Variants in ATRNL1 observed in about 807,000 individuals in gnomAD.
The protein encoded by ATRNL1 is attractin like 1.
ATRNL1 carries 95 observed loss-of-function variants against 182.7 expected under a neutral mutation model. The observed-to-expected ratio is 0.52, with a 90% CI of 0.44 to 0.62. ATRNL1 has a LOEUF of 0.62. Among genes scored for constraint, ATRNL1 ranks in the 20% least tolerant of loss-of-function variants. The probability of loss-of-function intolerance (pLI) is 0.00; values close to 1 mark genes in which losing one functional copy is unlikely to be tolerated. For synonymous variants in ATRNL1, 576 were observed against 568.3 expected, an observed-to-expected ratio of 1.01 and a Z score of -0.19; for missense variants, 1,471 against 1,679.5, an observed-to-expected ratio of 0.88 and a Z score of 2.17.
At chr10:115,461,317 C>CA (rs1338448767) in intron 21 of ATRNL1, among the ~76,000 whole-genome samples, 3 of 152,062 alleles carry the variant, frequency 2.0e-5, no homozygotes, top group African/African-American at 7.2e-5. Flanking sequence ...TTGGTTCCAG[C>CA]ATTATGTATG....
chr10:115,718,405 A>C (rs1224097383), intron 26 of ATRNL1, among the ~76,000 whole-genome samples: 2 of 152,206 alleles, frequency 1.3e-5, no homozygotes, highest in Non-Finnish European at 2.9e-5. Context: ...ATGATTCTTA[A>C]GTGCCCAGAG....
intron 25 of ATRNL1, among the ~76,000 whole-genome samples, chr10:115,529,333 CTT>C (rs1166618440): frequency 4.0e-5 from 6 of 151,570 alleles, no homozygotes; most frequent in Admixed American, 3.9e-4. Flanking sequence ...TTTTGCATAT[CTT>C]TTAAAATTTT....
intron 28 of ATRNL1, among the ~76,000 whole-genome samples, chr10:115,906,812 C>G (rs1555114655): frequency 6.6e-6 from 1 of 151,942 alleles, no homozygotes; most frequent in Non-Finnish European, 1.5e-5. Flanking sequence ...AAATTTTGAA[C>G]AAATACTTTT....
intron 13 of ATRNL1, among the ~76,000 whole-genome samples, chr10:115,272,775 C>G (rs1207519308): frequency 6.6e-6 from 1 of 152,152 alleles, no homozygotes; most frequent in East Asian, 1.9e-4. Context: ...AAAGCCCATT[C>G]CACTGTTTTA....
intron 26 of ATRNL1, among the ~76,000 whole-genome samples, chr10:115,639,735 T>A (rs1555029547): frequency 6.6e-6 from 1 of 151,940 alleles, no homozygotes; most frequent in East Asian, 1.9e-4. Flanking sequence ...TCCTAAAGTA[T>A]GTTAAAGTAG....
At chr10:115,278,294 A>G (rs1429693572) in intron 13 of ATRNL1, among the ~76,000 whole-genome samples, 1 of 152,258 alleles carries the variant, frequency 6.6e-6, no homozygotes, top group Non-Finnish European at 1.5e-5. Context: ...TCCAAGAACA[A>G]TAGTTTAACT....
chr10:115,713,705 CATCT>C (rs1555055341), intron 26 of ATRNL1, among the ~76,000 whole-genome samples: 144 of 101,278 alleles, frequency 1.4e-3, no homozygotes, highest in African/African-American at 3.6e-3. Flanking sequence ...ATCTATCTAT[CATCT>C]ATCTATCTAT....
intron 26 of ATRNL1, among the ~76,000 whole-genome samples, chr10:115,679,648 A>G (rs1945984453): frequency 1.3e-5 from 2 of 152,100 alleles, no homozygotes; most frequent in Admixed American, 6.6e-5. Flanking sequence ...CTGAGACATC[A>G]TAGTGAGCTC....
At chr10:115,408,105 G>A (rs372595341) in intron 20 of ATRNL1, among the ~76,000 whole-genome samples, 5 of 144,336 alleles carry the variant, frequency 3.5e-5, no homozygotes, top group East Asian at 2.2e-4. Context: ...CCGGGTTCAC[G>A]CCATTCTCCT....
intron 25 of ATRNL1, among the ~76,000 whole-genome samples, chr10:115,541,937 A>C (rs1852382414): frequency 6.6e-6 from 1 of 152,166 alleles, no homozygotes; most frequent in Non-Finnish European, 1.5e-5. Context: ...TGTGTTATAC[A>C]TTAATGATTT....
rs1428607577 is a variant in ATRNL1, at chr10:115,469,314, G to T, written c.3639G>T (p.Trp1213Cys). The T allele has an allele frequency of 2.0e-6, 3 of 1,525,316 alleles. No individual in the cohort carries two copies. Among genetic ancestry groups the T allele is most frequent in the Non-Finnish European group, 2.6e-6 (3 of 1,141,258 alleles). 94.5% of individuals were successfully genotyped at this position (1,525,316 alleles called of 1,614,324 possible). Reference protein sequence around the residue: ...TFYVYVSNFSWPIKIQIAFSQ... With the variant: ...TFYVYVSNFSCPIKIQIAFSQ... ...ATGTGTACGTCAGCAACTTTTCCTGGCCTATTAAAATACAGGTAAGTGTTA... is the reference window on the plus strand; with the variant it reads ...ATGTGTACGTCAGCAACTTTTCCTGTCCTATTAAAATACAGGTAAGTGTTA... Residue 1213 changes from tryptophan (W) to cysteine (C), a missense_variant, in exon 24 of 29, where the codon TGG becomes TGT. Trp to Cys is a radical substitution (Grantham distance 215). This residue lies in a region of ATRNL1 where 437 missense variants were observed against 506.0 expected (regional missense o/e 0.86). Transcript: ENST00000355044.
chr10:115,514,477 T>G (rs1447202015), intron 24 of ATRNL1, among the ~76,000 whole-genome samples: 2 of 151,232 alleles, frequency 1.3e-5, no homozygotes, highest in Non-Finnish European at 3.0e-5. Context: ...TGGGCAGATG[T>G]AAAAAAAATA....
At chr10:115,687,491 C>T (rs1946255518) in intron 26 of ATRNL1, among the ~76,000 whole-genome samples, 1 of 151,884 alleles carries the variant, frequency 6.6e-6, no homozygotes. Context: ...ATGTATATAC[C>T]ACATTTTCTT....
chr10:115,746,418 A>G (rs1050985035), intron 27 of ATRNL1, among the ~76,000 whole-genome samples: 3 of 152,068 alleles, frequency 2.0e-5, no homozygotes, highest in African/African-American at 2.4e-5. Flanking sequence ...CAATAGGAAA[A>G]TCATTATACC....
chr10:115,331,753 T>G (rs1466496244), intron 18 of ATRNL1, among the ~76,000 whole-genome samples: 1 of 152,212 alleles, frequency 6.6e-6, no homozygotes, highest in African/African-American at 2.4e-5. Context: ...GCATACTGAC[T>G]CTTGTATTTC....
At chr10:115,426,616 T>G (rs1554962964) in intron 21 of ATRNL1, among the ~76,000 whole-genome samples, 1 of 152,192 alleles carries the variant, frequency 6.6e-6, no homozygotes, top group African/African-American at 2.4e-5. Context: ...GAACTTGAAT[T>G]TTATAATAGA....
intron 16 of ATRNL1, among the ~76,000 whole-genome samples, chr10:115,301,414 A>G (rs1425744508): frequency 3.9e-5 from 6 of 152,162 alleles, no homozygotes; most frequent in Non-Finnish European, 7.4e-5. Context: ...TAAATATTGT[A>G]TCTTGTGTAA....
intron 26 of ATRNL1, among the ~76,000 whole-genome samples, chr10:115,654,594 A>G (rs1860220511): frequency 6.6e-6 from 1 of 152,126 alleles, no homozygotes; most frequent in Admixed American, 6.5e-5. Flanking sequence ...TGCCTTTTAC[A>G]TTTTTTGAGT....
At position 115,704,278 on chromosome 10, in the gene ATRNL1, G is replaced by A. The variant is rs564892801; in HGVS notation, c.3796-22970G>A. 4.2e-3 allele frequency among the ~76,000 whole-genome samples: 642 copies of A among 151,760 alleles called. 2 individuals are homozygous for A. Among genetic ancestry groups the A allele is most frequent in the African/African-American group, 9.8e-3 (405 of 41,424 alleles). The stretch of plus-strand genomic sequence containing the variant: ...TTGTAAGTGCATCCCTTTGATCTTT[G>A]CCTTCTTCATATGGCATTCTCCCTA... On this transcript the variant is annotated intron_variant, in intron 26 of 28. Transcript: ENST00000355044.
Sources: allele counts gnomAD v4.1 joint callset (sites outside exome capture counted in the v4.1 genomes callset), GRCh38; gene constraint gnomAD v4.1.1; regional missense constraint gnomAD v4.1.1; transcripts MANE v1.5; gene names NCBI Gene and HGNC (gene_info 2026-07-23, HGNC 2026-07-21).